Variants in MBNL2 observed in about 807,000 individuals in gnomAD.
MBNL2 encodes the protein muscleblind-like protein 2.
In MBNL2, 17 loss-of-function variants were observed where a neutral mutation model predicts 41.9. The observed-to-expected ratio is 0.41, with a 90% CI of 0.28 to 0.61. The LOEUF (loss-of-function observed/expected upper bound fraction) is 0.61, where lower values mean the gene tolerates loss of function less well. MBNL2 is among the 20% of genes least tolerant of loss of function. MBNL2 has a pLI of 0.35. For missense variants in MBNL2, 336 were observed against 505.6 expected (o/e 0.66, Z 3.22); for synonymous variants, 195 against 182.9 (o/e 1.07, Z -0.53).
chr13:97,309,281 T>A (rs1237720776), intron 2 of MBNL2, among the ~76,000 whole-genome samples: 1 of 152,174 alleles, frequency 6.6e-6, no homozygotes, highest in Non-Finnish European at 1.5e-5. Context: ...GGCAGTTGCA[T>A]CACATCTCCC....
chr13:97,189,947 C>T, the MBNL2 span, among the ~76,000 whole-genome samples: 1 of 152,344 alleles, frequency 6.6e-6, no homozygotes, highest in South Asian at 2.1e-4. Context: ...CTGATTACAA[C>T]GACGAGGGAG....
intron 2 of MBNL2, among the ~76,000 whole-genome samples, chr13:97,293,150 C>T (rs1397067419): frequency 6.6e-6 from 1 of 151,724 alleles, no homozygotes; most frequent in Non-Finnish European, 1.5e-5. Flanking sequence ...ATATTTAGTT[C>T]TGTTCTCATA....
intron 8 of MBNL2, among the ~76,000 whole-genome samples, chr13:97,383,939 G>C (rs2065712404): frequency 6.9e-6 from 1 of 145,120 alleles, no homozygotes; most frequent in Non-Finnish European, 1.5e-5. Context: ...TCGTCCTGTT[G>C]CCCAGGCTGG....
the MBNL2 span, among the ~76,000 whole-genome samples, chr13:97,154,791 A>AGGG: frequency 7.0e-6 from 1 of 141,924 alleles, no homozygotes; most frequent in Admixed American, 7.5e-5. Context: ...TAAATGGTAT[A>AGGG]AGGATGGATG....
intron 2 of MBNL2, among the ~76,000 whole-genome samples, chr13:97,333,410 C>T (rs2060586829): frequency 6.6e-6 from 1 of 152,156 alleles, no homozygotes; most frequent in Non-Finnish European, 1.5e-5. Flanking sequence ...GCTTTGGCTT[C>T]CAAATATTAC....
the MBNL2 span, among the ~76,000 whole-genome samples, chr13:97,173,395 C>G: frequency 6.6e-6 from 1 of 152,194 alleles, no homozygotes. Flanking sequence ...GATTGTGGTT[C>G]CCACTATGCA....
At chr13:97,194,723 C>A in the MBNL2 span, among the ~76,000 whole-genome samples, 3 of 152,202 alleles carry the variant, frequency 2.0e-5, no homozygotes, top group African/African-American at 7.2e-5. Context: ...AAGATGGTGA[C>A]AAAAGTGACC....
At chr13:97,333,594 T>C (rs139149011) in intron 2 of MBNL2, among the ~76,000 whole-genome samples, 2 of 152,328 alleles carry the variant, frequency 1.3e-5, no homozygotes, top group African/African-American at 4.8e-5. Flanking sequence ...ATTTCATCTA[T>C]GTGTATATCA....
intron 8 of MBNL2, among the ~76,000 whole-genome samples, chr13:97,370,749 T>G (rs1350452471): frequency 6.6e-6 from 1 of 151,428 alleles, no homozygotes; most frequent in Non-Finnish European, 1.5e-5. Context: ...CCAGTGAAAA[T>G]TATCAATAAT....
chr13:97,210,043 G>A, the MBNL2 span, among the ~76,000 whole-genome samples: 2 of 152,156 alleles, frequency 1.3e-5, no homozygotes, highest in Non-Finnish European at 1.5e-5. Context: ...TGATCTGCCC[G>A]CCTTGGCCTC....
intron 2 of MBNL2, among the ~76,000 whole-genome samples, chr13:97,296,843 A>T (rs1419340799): frequency 6.6e-6 from 1 of 152,216 alleles, no homozygotes; most frequent in African/African-American, 2.4e-5. Context: ...TCTATAGACA[A>T]GGTGTGATCA....
chr13:97,196,721 G>T, the MBNL2 span, among the ~76,000 whole-genome samples: 1 of 152,024 alleles, frequency 6.6e-6, no homozygotes, highest in African/African-American at 2.4e-5. Context: ...CAATTTCTGG[G>T]CACAGAAAGG....
At chr13:97,363,418 CTGTG>C (rs55745808) in intron 7 of MBNL2, among the ~76,000 whole-genome samples, 2,834 of 136,648 alleles carry the variant, frequency 0.021, 39 homozygotes, top group South Asian at 0.066. Context: ...GAAAGAAAAA[CTGTG>C]TGTGTGTGTG....
chr13:97,381,644 G>C (rs1189814414), intron 8 of MBNL2, among the ~76,000 whole-genome samples: 3 of 150,864 alleles, frequency 2.0e-5, no homozygotes, highest in Non-Finnish European at 3.0e-5. Flanking sequence ...AATTTTTTTG[G>C]AATTCCCTTG....
At chr13:97,247,843 T>C (rs1239944939) in intron 1 of MBNL2, among the ~76,000 whole-genome samples, 2 of 152,202 alleles carry the variant, frequency 1.3e-5, no homozygotes, top group African/African-American at 4.8e-5. Context: ...TACCCCAAAA[T>C]ATAGGTTTAC....
At chr13:97,176,749 T>C in the MBNL2 span, among the ~76,000 whole-genome samples, 1 of 152,220 alleles carries the variant, frequency 6.6e-6, no homozygotes, top group African/African-American at 2.4e-5. Flanking sequence ...AATACCTTAA[T>C]AGCCTTTTCC....
chr13:97,241,974 G>A (rs771005270), intron 1 of MBNL2, among the ~76,000 whole-genome samples: 3 of 152,126 alleles, frequency 2.0e-5, no homozygotes, highest in Non-Finnish European at 4.4e-5. Context: ...CTCTTATTGT[G>A]TGCACACATG....
intron 2 of MBNL2, among the ~76,000 whole-genome samples, chr13:97,277,643 C>T (rs903316453): frequency 2.6e-5 from 4 of 152,170 alleles, no homozygotes; most frequent in African/African-American, 9.7e-5. Context: ...TTTGTCAATA[C>T]ACTCAAAGCA....
intron 2 of MBNL2, among the ~76,000 whole-genome samples, chr13:97,288,036 A>C (rs539255882): frequency 2.7e-5 from 4 of 149,952 alleles, no homozygotes; most frequent in Admixed American, 2.6e-4. Context: ...GGCCTCCCAA[A>C]GTGCTGGGAT....
Sources: gnomAD v4.1 joint callset for allele counts (sites outside exome capture counted in the v4.1 genomes callset) on GRCh38, gnomAD v4.1.1 for gene constraint, MANE v1.5 for transcripts, NCBI Gene and HGNC (gene_info 2026-07-23, HGNC 2026-07-21) for gene names.